Variants in ECE1 observed in about 807,000 individuals in gnomAD.
ECE1 encodes the protein endothelin-converting enzyme 1.
ECE1 carries 35 observed loss-of-function variants against 98.6 expected under a neutral mutation model. The observed-to-expected ratio is 0.35, with a 90% confidence interval of 0.27 to 0.47. The LOEUF is 0.47. Ranked by LOEUF, ECE1 falls within the 20% of genes least tolerant of loss-of-function variation. The pLI, the probability that ECE1 is intolerant of heterozygous loss-of-function variation, is 1.00. For missense variants in ECE1, 814 were observed against 1,025.3 expected, an observed-to-expected ratio of 0.79 and a Z score of 2.81; for synonymous variants, 394 against 407.1, an observed-to-expected ratio of 0.97 and a Z score of 0.39.
intron 4 of ECE1, 66 bp downstream of exon 4, chr1:21,272,633 G>C (rs1043148676): frequency 6.3e-7 from 1 of 1,595,986 alleles, no homozygotes; most frequent in African/African-American, 1.3e-5. Context: ...CAGCTGGGAA[G>C]CTGGCTGGGC....
chr1:21,280,813 G>T (rs562669308), intron 2 of ECE1, among the ~76,000 whole-genome samples: 1 of 152,334 alleles, frequency 6.6e-6, no homozygotes, highest in East Asian at 1.9e-4. Context: ...TATTTACTGG[G>T]CAGGAAATGA....
intron 1 of ECE1, among the ~76,000 whole-genome samples, chr1:21,296,237 C>T (rs77481571): frequency 7.0e-4 from 107 of 152,188 alleles, no homozygotes; most frequent in African/African-American, 2.3e-3. Flanking sequence ...ACCCTTCAGC[C>T]GGGTGCTCAT....
At chr1:21,309,200 A>T (rs1276581166) in intron 1 of ECE1, among the ~76,000 whole-genome samples, 1 of 152,194 alleles carries the variant, frequency 6.6e-6, no homozygotes, top group African/African-American at 2.4e-5. Context: ...CTGGGATATG[A>T]GACACAGAAA....
At chr1:21,320,393 T>C (rs1226387595) in intron 1 of ECE1, among the ~76,000 whole-genome samples, 2 of 150,432 alleles carry the variant, frequency 1.3e-5, no homozygotes, top group East Asian at 3.9e-4. Flanking sequence ...GCAGGGCTCA[T>C]GGAAGGTGCT....
At chr1:21,290,473 C>T, upstream of ECE1, 2 of 1,225,100 alleles carry the variant, frequency 1.6e-6, no homozygotes, top group Non-Finnish European at 2.0e-6. This position sits in a 1 kb window ranked among gnomAD's most constrained non-coding sequence, Gnocchi z 7.3. Context: ...TGGGCCGGGC[C>T]AGGCGTTGCA....
intron 2 of ECE1, among the ~76,000 whole-genome samples, chr1:21,288,412 T>C (rs529365413): frequency 3.2e-4 from 48 of 152,352 alleles, no homozygotes; most frequent in African/African-American, 1.1e-3. Context: ...CTGAAAGAGA[T>C]TAAGCCACTA....
chr1:21,245,157 C>G, intron 9 of ECE1, 54 bp from the exon 10 acceptor site: 5 of 1,517,318 alleles, frequency 3.3e-6, no homozygotes, highest in Non-Finnish European at 4.6e-6. Context: ...GGGAGGATTG[C>G]GGCCCTTCCC....
At position 21,228,041 on chromosome 1, in the gene ECE1, C is replaced by T. The variant is rs1191695932; in HGVS notation, c.1671G>A (p.Gln557=). 1 of 1,557,960 alleles carries T rather than the reference C, an allele frequency of 6.4e-7. No homozygotes were observed. Residue 557 remains glutamine, a splice_region_variant and synonymous_variant, in exon 15 of 19, where the codon CAG becomes CAA. Transcript: ENST00000374893. ...DQLRKAPNRD[Q]WSMTPPMVNA... ...TCACCATGGGCGGGGTCATGCTCCA[C>T]CTGCAAGCAACACACATGCAGGAGG... is the stretch of plus-strand genomic sequence containing the variant.
Position 21,290,190 on chromosome 1 carries a change from C to A in ECE1, c.52-34G>T. Reference sequence around the variant, plus strand: ...CCAAATGCAGCACGGACTCCCTCAGCGCCTCCATGGCTCTCGCGCCCGAAT... The same window carrying A: ...CCAAATGCAGCACGGACTCCCTCAGAGCCTCCATGGCTCTCGCGCCCGAAT... On this transcript the variant is annotated intron_variant, in intron 1 of 18. Coordinates refer to ENST00000374893, the MANE Select transcript of ECE1 (RefSeq NM_001397.3). This position sits in a 1 kb window ranked among gnomAD's most constrained non-coding sequence, Gnocchi z 7.3. The A allele has an allele frequency of 6.6e-7, 1 of 1,510,064 alleles. No individual in the cohort carries two copies. Among genetic ancestry groups the A allele is most frequent in the Non-Finnish European group, 8.8e-7 (1 of 1,130,130 alleles). The allele number at this position is 1,510,064 out of a possible 1,614,324, so 93.5% of individuals were successfully genotyped here. A position where few individuals can be genotyped will look rare whatever the true frequency, so the allele number is the denominator to read the frequency against.
intron 2 of ECE1, among the ~76,000 whole-genome samples, chr1:21,284,620 C>T (rs987703590): frequency 2.0e-5 from 3 of 152,320 alleles, no homozygotes; most frequent in South Asian, 2.1e-4. Context: ...AGCCCTAATC[C>T]GGGACACATA....
intron 2 of ECE1, among the ~76,000 whole-genome samples, chr1:21,285,520 A>C (rs927332652): frequency 6.6e-6 from 1 of 152,022 alleles, no homozygotes; most frequent in Non-Finnish European, 1.5e-5. Flanking sequence ...TTGTCCCTGA[A>C]ATCACCCTGG....
chr1:21,252,377 A>T (rs983206741), intron 8 of ECE1, among the ~76,000 whole-genome samples: 14 of 152,196 alleles, frequency 9.2e-5, no homozygotes, highest in African/African-American at 2.9e-4. Flanking sequence ...CTTGTGACTC[A>T]CACCCTCTGG....
chr1:21,232,041 C>A (rs2098182369), intron 14 of ECE1, among the ~76,000 whole-genome samples: 1 of 152,198 alleles, frequency 6.6e-6, no homozygotes, highest in Non-Finnish European at 1.5e-5. Context: ...GGCAACAGAG[C>A]CTATGCCATG....
intron 1 of ECE1, among the ~76,000 whole-genome samples, chr1:21,297,661 C>T (rs1266725155): frequency 2.0e-5 from 3 of 146,682 alleles, no homozygotes; most frequent in Middle Eastern, 3.5e-3. Flanking sequence ...CTCAGCCTCC[C>T]GAGTAGCTGG....
intron 14 of ECE1, among the ~76,000 whole-genome samples, chr1:21,228,832 A>T (rs567426888): frequency 7.1e-6 from 1 of 140,904 alleles, no homozygotes; most frequent in African/African-American, 2.6e-5. Flanking sequence ...AAAAGTCACC[A>T]CTGAAGAGTA....
intron 1 of ECE1, among the ~76,000 whole-genome samples, chr1:21,308,721 A>C (rs1025057573): frequency 1.3e-5 from 2 of 150,432 alleles, no homozygotes; most frequent in African/African-American, 5.0e-5. Context: ...GCCTTTGTGC[A>C]TGGGAGGGGC....
intron 1 of ECE1, among the ~76,000 whole-genome samples, chr1:21,312,445 AT>A (rs35470486): frequency 0.076 from 11,418 of 150,426 alleles, 574 homozygotes; most frequent in Middle Eastern, 0.14. Flanking sequence ...TCTCAAAAAA[AT>A]AATTTTAAAA....
At chr1:21,251,006 CA>C (rs34736003) in intron 8 of ECE1, among the ~76,000 whole-genome samples, 28,399 of 144,462 alleles carry the variant, frequency 0.2, 3,282 homozygotes, top group Non-Finnish European at 0.26. Context: ...GACTCAGTCT[CA>C]AAAAAAAAAA....
intron 2 of ECE1, among the ~76,000 whole-genome samples, chr1:21,283,411 C>T (rs1005613515): frequency 2.0e-5 from 3 of 152,024 alleles, no homozygotes; most frequent in African/African-American, 4.8e-5. Context: ...GCTGGGATTA[C>T]AGGTGTCCGC....
Sources: allele counts gnomAD v4.1 joint callset (sites outside exome capture counted in the v4.1 genomes callset), GRCh38; gene constraint gnomAD v4.1.1; non-coding constraint Gnocchi (gnomAD v3.1); transcripts MANE v1.5; gene names NCBI Gene and HGNC (gene_info 2026-07-23, HGNC 2026-07-21).